Variants in SLF2 observed in about 807,000 individuals in gnomAD.
SLF2 encodes the protein SMC5-SMC6 complex localization factor protein 2.
SLF2 carries 68 observed loss-of-function variants against 124.3 expected under a neutral mutation model. The ratio of observed to expected loss-of-function variants is 0.55; its 90% CI spans 0.45 to 0.67. SLF2 has a LOEUF of 0.67. Among genes scored for constraint, SLF2 ranks in the 30% least tolerant of loss-of-function variants. The pLI is 0.00. For missense variants in SLF2, 1,246 were observed against 1,373.7 expected, an observed-to-expected ratio of 0.91 and a Z score of 1.47; for synonymous variants, 480 against 478.8, an observed-to-expected ratio of 1.00 and a Z score of -0.03.
At chr10:100,932,060 C>T (rs1220319060) in intron 9 of SLF2, among the ~76,000 whole-genome samples, 1 of 151,738 alleles carries the variant, frequency 6.6e-6, no homozygotes, top group Non-Finnish European at 1.5e-5. Context: ...GCTTCTGTAT[C>T]AACAAGTACT....
intron 19 of SLF2, among the ~76,000 whole-genome samples, chr10:100,961,595 A>G (rs550468431): frequency 6.6e-6 from 1 of 152,344 alleles, no homozygotes; most frequent in East Asian, 1.9e-4. Flanking sequence ...TAGCAAAACT[A>G]TACTAATCAG....
At chr10:100,945,025 G>A (rs761036391) in intron 12 of SLF2, among the ~76,000 whole-genome samples, 3 of 151,382 alleles carry the variant, frequency 2.0e-5, no homozygotes, top group Non-Finnish European at 4.4e-5. Context: ...GTGAGACTCC[G>A]TCTCAAAAAA....
chr10:100,965,098 T>G lies in SLF2; in HGVS notation c.*3186T>G, dbSNP rs975438293. ...TGTTAAAGTCCTATGAATGTGTGTG[T>G]GTGTGTGCTATTAAAACTGCTTTTT... On this transcript the variant is annotated 3_prime_UTR_variant, in exon 20 of 20. Transcript: ENST00000238961. The surrounding 1 kb of genome is among the most constrained non-coding windows in gnomAD (Gnocchi z 4.1). 1 of 152,278 alleles carries G rather than the reference T, an allele frequency of 6.6e-6. No homozygotes were observed. Among genetic ancestry groups the G allele is most frequent in the Non-Finnish European group, 1.5e-5 (1 of 67,980 alleles). 9.4% of individuals were successfully genotyped at this position (152,278 alleles called of 1,614,324 possible). A position where few individuals can be genotyped will look rare whatever the true frequency, so the allele number is the denominator to read the frequency against.
intron 17 of SLF2, among the ~76,000 whole-genome samples, chr10:100,951,561 T>C (rs1169828629): frequency 2.6e-5 from 4 of 152,204 alleles, no homozygotes; most frequent in African/African-American, 9.6e-5. Context: ...TTACAAGGGA[T>C]GAGCCGGGGG....
rs545866967 is a variant in SLF2, at chr10:100,963,078, A to T, written c.*1166A>T. The stretch of plus-strand genomic sequence containing the variant: ...CTTTTAGGAGGGTTTGTTTCCTGAA[A>T]GAATGCCAACTTTTTTTGTTGTTCT... On this transcript the variant is annotated 3_prime_UTR_variant, in exon 20 of 20. Transcript: ENST00000238961. The T allele has an allele frequency of 1.3e-5, 2 of 152,678 alleles. No individual in the cohort carries two copies. The highest frequency in any genetic ancestry group is 4.8e-5 in the African/African-American group (2 of 41,534). 9.5% of individuals were successfully genotyped at this position (152,678 alleles called of 1,614,324 possible).
At chr10:100,932,683 CAA>C (rs1202092972) in intron 9 of SLF2, among the ~76,000 whole-genome samples, 1 of 146,872 alleles carries the variant, frequency 6.8e-6, no homozygotes, top group African/African-American at 2.5e-5. Flanking sequence ...GTAGAGGAGA[CAA>C]ACAATAAGTG....
Position 100,945,417 on chromosome 10 carries a change from T to A in SLF2, c.2845T>A (p.Leu949Met), listed in dbSNP as rs751868552. The change falls in exon 13 of 20, where the codon TTG becomes ATG. Residue 949 changes from leucine to methionine, a missense_variant. Around this residue, in one of 3 missense-constraint regions of SLF2, gnomAD observed 535 missense variants for 632.8 expected, o/e 0.85. Coordinates refer to ENST00000238961, the MANE Select transcript of SLF2 (RefSeq NM_018121.4). Reference protein sequence around the residue: ...LLILMLFKMSLEKQLKQIPLV... With the variant: ...LLILMLFKMSMEKQLKQIPLV... ...GATTTTAATGTTATTTAAAATGAGT[T>A]TGGAAAAACAGCTGAAACAGATTCC... 1.2e-6 allele frequency: 2 copies of A among 1,600,938 alleles called. No homozygotes were observed. Among genetic ancestry groups the A allele is most frequent in the Non-Finnish European group, 1.7e-6 (2 of 1,177,220 alleles).
chr10:100,930,857 A>G (rs80206312), intron 8 of SLF2, 119 bp from the exon 9 acceptor site: 251 of 744,236 alleles, frequency 3.4e-4, no homozygotes, highest in African/African-American at 3.3e-3. Context: ...GTCCACCTCT[A>G]TGGACTGAAG....
At position 100,965,038 on chromosome 10, in the gene SLF2, C is replaced by CT. The variant is rs75418886; in HGVS notation, c.*3140dup. 1,023 of 139,626 alleles carry CT rather than the reference C, an allele frequency of 7.3e-3. 11 individuals carry two copies. Among genetic ancestry groups the CT allele is most frequent in the African/African-American group, 0.021 (817 of 38,112 alleles). 8.6% of individuals were successfully genotyped at this position (139,626 alleles called of 1,614,324 possible). On this transcript the variant is annotated 3_prime_UTR_variant, in exon 20 of 20. Transcript: ENST00000238961. The surrounding 1 kb of genome is among the most constrained non-coding windows in gnomAD (Gnocchi z 4.1). ...AAGTAAATACAGATTTTTTTCTTTC[C>CT]TTTTTTTTTTTTTTAAAGATTTTAT...
At chr10:100,942,440 G>A (rs1030111208) in intron 11 of SLF2, among the ~76,000 whole-genome samples, 4 of 152,120 alleles carry the variant, frequency 2.6e-5, no homozygotes, top group African/African-American at 7.2e-5. Flanking sequence ...CGCAAGGTAT[G>A]GGGATGGGAG....
intron 1 of SLF2, among the ~76,000 whole-genome samples, chr10:100,914,277 G>T (rs1849374429): frequency 6.6e-6 from 1 of 151,950 alleles, no homozygotes; most frequent in Admixed American, 6.6e-5. Flanking sequence ...TCAGATAAGG[G>T]TTTGTGAAAC....
intron 18 of SLF2, among the ~76,000 whole-genome samples, chr10:100,958,421 G>A (rs1325978611): frequency 6.6e-6 from 1 of 152,210 alleles, no homozygotes; most frequent in East Asian, 1.9e-4. Context: ...ATTCTTTTGA[G>A]CATTCATTGA....
intron 17 of SLF2, among the ~76,000 whole-genome samples, chr10:100,952,796 G>A (rs917783016): frequency 1.3e-5 from 2 of 151,112 alleles, no homozygotes; most frequent in African/African-American, 2.4e-5. Context: ...AAAATTAGCC[G>A]GGCGTGATGG....
intron 13 of SLF2, among the ~76,000 whole-genome samples, chr10:100,946,420 G>A (rs1219705980): frequency 1.3e-5 from 2 of 150,206 alleles, no homozygotes; most frequent in South Asian, 2.1e-4. Context: ...TCTGCCTTCC[G>A]GATTCAGGCG....
At chr10:100,952,347 G>A (rs1418050532) in intron 17 of SLF2, among the ~76,000 whole-genome samples, 1 of 151,750 alleles carries the variant, frequency 6.6e-6, no homozygotes, top group Non-Finnish European at 1.5e-5. Context: ...TTCGAGACCA[G>A]CCTGGCCAAC....
chr10:100,913,314 C>G, intron 1 of SLF2, 64 bp downstream of exon 1: 2 of 1,384,180 alleles, frequency 1.4e-6, no homozygotes, highest in Non-Finnish European at 1.9e-6. Flanking sequence ...GGGAGGGCTG[C>G]AGACCGCCGC....
chr10:100,942,757 G>A (rs895439340), intron 11 of SLF2, among the ~76,000 whole-genome samples: 1 of 152,200 alleles, frequency 6.6e-6, no homozygotes, highest in African/African-American at 2.4e-5. Context: ...GACCTCGGGT[G>A]ATCTGCCTGC....
chr10:100,936,069 C>T (rs902419320), intron 9 of SLF2, among the ~76,000 whole-genome samples: 1 of 151,538 alleles, frequency 6.6e-6, no homozygotes, highest in Non-Finnish European at 1.5e-5. Flanking sequence ...CCATGTTGCT[C>T]AGGCCAGTCT....
chr10:100,947,610 C>T, intron 14 of SLF2, 150 bp from the exon 15 acceptor site: 1 of 491,330 alleles, frequency 2.0e-6, no homozygotes, highest in Non-Finnish European at 3.6e-6. Flanking sequence ...TTTTACTGTT[C>T]TATAACAGCT....
Sources: gnomAD v4.1 joint callset for allele counts (sites outside exome capture counted in the v4.1 genomes callset) on GRCh38, gnomAD v4.1.1 for gene constraint, gnomAD v4.1.1 regional missense constraint, Gnocchi (gnomAD v3.1) non-coding constraint, MANE v1.5 for transcripts, NCBI Gene and HGNC (gene_info 2026-07-23, HGNC 2026-07-21) for gene names.